The following NUP62CL variants were observed in gnomAD, a reference collection of about 807,000 sequenced individuals.
The protein encoded by NUP62CL is nucleoporin-62 C-terminal-like protein.
Under a neutral mutation model 15.3 loss-of-function variants are expected in NUP62CL, and 13 were observed. The ratio of observed to expected loss-of-function variants is 0.85; its 90% CI spans 0.55 to 1.35. The LOEUF is 1.35. NUP62CL is among the 40% of genes most tolerant of loss of function. The pLI is 0.00. For missense variants in NUP62CL, 123 were observed against 130.6 expected, an observed-to-expected ratio of 0.94 and a Z score of 0.28; for synonymous variants, 54 against 49.2, an observed-to-expected ratio of 1.10 and a Z score of -0.41.
At chrX:107,142,340 T>A (rs759353913) in intron 8 of NUP62CL, among the ~76,000 whole-genome samples, 91 of 111,567 alleles carry the variant, frequency 8.2e-4, no homozygotes, top group Admixed American at 1.9e-3. Flanking sequence ...CTAATGGGAT[T>A]TTATTTTGGA....
intron 7 of NUP62CL, among the ~76,000 whole-genome samples, chrX:107,151,515 CCACACA>C (rs59950269): frequency 1.2e-4 from 12 of 98,754 alleles, no homozygotes; most frequent in South Asian, 4.8e-4. Context: ...TCCACCCAAA[CCACACA>C]CACACACACA....
rs933862190 is a variant in NUP62CL, at chrX:107,153,204, A to T, written c.498T>A (p.Tyr166Ter). 3.3e-6 allele frequency: 4 copies of T among 1,207,462 alleles called. No individual in the cohort carries two copies. The highest frequency in any genetic ancestry group is 4.5e-6 in the Non-Finnish European group (4 of 893,963). Residue 166 changes from tyrosine (Y) to a stop codon, truncating the protein, a stop_gained, in exon 7 of 9, where the codon TAT becomes TAA. Transcript: ENST00000372466. LOFTEE classifies it high-confidence loss of function. ...ESTRDQSGLHYLQDADEEHVE... is the reference protein window; with the variant it reads ...ESTRDQSGLH ...CATGCTCCTCATCTGCATCCTGCAG[A>T]TAATGAAGTCCACTCTGGTCACGCG...
In NUP62CL at chrX:107,145,417, C is replaced by T. The variant is rs182307786; in HGVS notation, c.*42+2326G>A. 9.0e-5 allele frequency among the ~76,000 whole-genome samples: 10 copies of T among 110,923 alleles called. No individual in the cohort carries two copies. The East Asian group carries it at 2.8e-3, about 31-fold the overall frequency. ...AGGCAAAGTCTATAAAAATGATTTC[C>T]ACCCCCCAATTTTTAAGTCTATAGG... is the stretch of plus-strand genomic sequence containing the variant. On this transcript the variant is annotated intron_variant, in intron 8 of 8. Transcript: ENST00000372466.
chrX:107,170,927 A>G (rs1470457992), intron 3 of NUP62CL, among the ~76,000 whole-genome samples: 2 of 112,063 alleles, frequency 1.8e-5, no homozygotes, highest in East Asian at 2.8e-4. Flanking sequence ...AAAGGGAAGT[A>G]TGGTTCTAAA....
chrX:107,203,539 C>G (rs137990538), intron 1 of NUP62CL, among the ~76,000 whole-genome samples: 3,505 of 111,012 alleles, frequency 0.032, 150 homozygotes, highest in African/African-American at 0.11. Flanking sequence ...AGCCACCGCA[C>G]CTGGCTACAT....
intron 1 of NUP62CL, among the ~76,000 whole-genome samples, chrX:107,196,862 C>T (rs763088783): frequency 2.0e-4 from 22 of 112,373 alleles, no homozygotes; most frequent in South Asian, 7.4e-4. Flanking sequence ...CTAATTATTA[C>T]TAAACTGCCT....
intron 3 of NUP62CL, among the ~76,000 whole-genome samples, chrX:107,172,435 C>G (rs1202006600): frequency 8.9e-6 from 1 of 111,867 alleles, no homozygotes; most frequent in Non-Finnish European, 1.9e-5. Flanking sequence ...TTCATTTAAT[C>G]CCTAAGTAAA....
At chrX:107,167,901 G>T in intron 3 of NUP62CL, 117 bp from the exon 4 acceptor site, 2 of 662,961 alleles carry the variant, frequency 3.0e-6, no homozygotes, top group South Asian at 3.9e-5. Flanking sequence ...TGAACTCAAA[G>T]ATGCAGATTT....
In NUP62CL at chrX:107,202,573, T is replaced by C. The variant is rs1927510474; in HGVS notation, c.-92+3700A>G. 2 of 108,933 alleles carry C rather than the reference T, an allele frequency of 1.8e-5. 1 individual carries two copies. The highest frequency in any genetic ancestry group is 3.8e-5 in the Non-Finnish European group (2 of 52,595). 9.0% of individuals were successfully genotyped at this position (108,933 alleles called of 1,213,427 possible). On this transcript the variant is annotated intron_variant, in intron 1 of 8. Transcript: ENST00000372466. ...TGTCTATACTTAGTAAAAAAATAAA[T>C]TCAGGCTGGTCTGACTACAGTGGTA...
intron 1 of NUP62CL, among the ~76,000 whole-genome samples, chrX:107,205,087 T>C (rs770871649): frequency 9.0e-6 from 1 of 111,034 alleles, no homozygotes; most frequent in South Asian, 3.7e-4. Flanking sequence ...GTAGTAAGTG[T>C]TAAGTGTTGT....
chrX:107,183,427 G>A (rs1926963408), intron 2 of NUP62CL, among the ~76,000 whole-genome samples: 1 of 110,423 alleles, frequency 9.1e-6, no homozygotes, highest in African/African-American at 3.3e-5. Flanking sequence ...TGAGACCCTG[G>A]CTCTATTGCT....
chrX:107,166,704 G>A (rs1926523262), intron 4 of NUP62CL, among the ~76,000 whole-genome samples: 1 of 111,076 alleles, frequency 9.0e-6, no homozygotes, highest in Non-Finnish European at 1.9e-5. Flanking sequence ...AACAAACCAT[G>A]GTGCATCCAC....
intron 4 of NUP62CL, among the ~76,000 whole-genome samples, chrX:107,162,619 C>T (rs1018231163): frequency 2.7e-5 from 3 of 112,024 alleles, no homozygotes; most frequent in Admixed American, 9.4e-5. Context: ...TGAAAATGTC[C>T]TTCAGAAATG....
chrX:107,154,723 C>CA (rs1239696300), intron 4 of NUP62CL, among the ~76,000 whole-genome samples: 2 of 111,618 alleles, frequency 1.8e-5, no homozygotes, highest in Non-Finnish European at 3.8e-5. Flanking sequence ...CAAGTGGTAT[C>CA]AAAAAAGGCT....
chrX:107,196,140 A>G (rs772128905), intron 1 of NUP62CL, among the ~76,000 whole-genome samples: 15 of 111,770 alleles, frequency 1.3e-4, no homozygotes, highest in Non-Finnish European at 2.3e-4. Context: ...GAATCTTCCT[A>G]TTAAATGTAG....
rs761570641 is a variant in NUP62CL, at chrX:107,153,505, T to C, written c.346-2A>G. 2.8e-6 allele frequency: 3 copies of C among 1,086,701 alleles called. No individual in the cohort carries two copies. The highest frequency in any genetic ancestry group is 3.7e-6 in the Non-Finnish European group (3 of 806,429). 89.6% of individuals were successfully genotyped at this position (1,086,701 alleles called of 1,213,427 possible). A position where few individuals can be genotyped will look rare whatever the true frequency, so the allele number is the denominator to read the frequency against. On this transcript the variant is annotated splice_acceptor_variant, in intron 5 of 8. Coordinates refer to ENST00000372466, the MANE Select transcript of NUP62CL (RefSeq NM_017681.3). LOFTEE classifies it high-confidence loss of function. ...CACTTCTCCATGTAAAATACGAATC[T>C]ATAAAGAGAAATATGAATACAACAA... is the stretch of plus-strand genomic sequence containing the variant.
At chrX:107,170,443 C>T (rs1459745137) in intron 3 of NUP62CL, among the ~76,000 whole-genome samples, 1 of 99,322 alleles carries the variant, frequency 1.0e-5, no homozygotes, top group Non-Finnish European at 2.0e-5. Context: ...GATGGAGTCT[C>T]GCTCTGTCAC....
At chrX:107,137,134 A>G (rs191696735) in intron 8 of NUP62CL, among the ~76,000 whole-genome samples, 1,190 of 112,242 alleles carry the variant, frequency 0.011, 14 homozygotes, top group African/African-American at 0.037. Context: ...AAGAAGAAAA[A>G]TCATGATTAT....
chrX:107,131,853 T>C, intron 8 of NUP62CL: 3 of 1,027,849 alleles, frequency 2.9e-6, no homozygotes, highest in Non-Finnish European at 4.1e-6. Flanking sequence ...GGACCTGTGT[T>C]ATATTTGAAG....
Sources: allele counts gnomAD v4.1 joint callset (sites outside exome capture counted in the v4.1 genomes callset), GRCh38; gene constraint gnomAD v4.1.1; transcripts MANE v1.5; gene names NCBI Gene and HGNC (gene_info 2026-07-23, HGNC 2026-07-21).